Variants in DCUN1D3 observed in about 807,000 individuals in gnomAD.
The protein encoded by DCUN1D3 is defective in cullin neddylation 1 domain containing 3, also known as DCN1-like protein 3.
Under a neutral mutation model 24.8 loss-of-function variants are expected in DCUN1D3, and 6 were observed. The ratio of observed to expected loss-of-function variants is 0.24; its 90% CI spans 0.13 to 0.48. DCUN1D3 has a LOEUF of 0.48. DCUN1D3 is among the 20% of genes least tolerant of loss of function. DCUN1D3 has a pLI of 0.99. For synonymous variants in DCUN1D3, 120 were observed against 144.9 expected, an observed-to-expected ratio of 0.83 and a Z score of 1.24; for missense variants, 258 against 379.4, an observed-to-expected ratio of 0.68 and a Z score of 2.66.
intron 1 of DCUN1D3, among the ~76,000 whole-genome samples, chr16:20,884,781 T>C (rs532808131): frequency 6.6e-5 from 10 of 152,180 alleles, no homozygotes; most frequent in African/African-American, 1.9e-4. Flanking sequence ...CCCACCTCAG[T>C]TGGGGAACAT....
At chr16:20,867,527 C>T (rs931867399) in intron 1 of DCUN1D3, among the ~76,000 whole-genome samples, 5 of 152,218 alleles carry the variant, frequency 3.3e-5, no homozygotes, top group African/African-American at 7.2e-5. Context: ...CGCCCAACTG[C>T]GCCACTGGCT....
intron 1 of DCUN1D3, among the ~76,000 whole-genome samples, chr16:20,873,530 A>C (rs1162616688): frequency 6.6e-6 from 1 of 152,218 alleles, no homozygotes; most frequent in Non-Finnish European, 1.5e-5. Flanking sequence ...ATGGGCTGTC[A>C]AGCTGCAGAC....
chr16:20,884,701 C>T (rs2081860427), intron 1 of DCUN1D3, among the ~76,000 whole-genome samples: 1 of 152,132 alleles, frequency 6.6e-6, no homozygotes, highest in East Asian at 1.9e-4. Flanking sequence ...GGTCACGACA[C>T]CTCTCTGAGA....
intron 1 of DCUN1D3, among the ~76,000 whole-genome samples, chr16:20,888,655 A>G (rs2081877855): frequency 1.3e-5 from 2 of 151,976 alleles, no homozygotes; most frequent in Admixed American, 1.3e-4. Context: ...GGGTTTCACC[A>G]TGTTGCCCAG....
At chr16:20,882,274 T>TA (rs769415468) in intron 1 of DCUN1D3, among the ~76,000 whole-genome samples, 5 of 148,044 alleles carry the variant, frequency 3.4e-5, no homozygotes, top group South Asian at 2.2e-4. Context: ...TTTTTTGAGA[T>TA]AGAGTTTCGC....
At chr16:20,868,330 T>C (rs1230341648) in intron 1 of DCUN1D3, among the ~76,000 whole-genome samples, 2 of 152,206 alleles carry the variant, frequency 1.3e-5, no homozygotes, top group African/African-American at 4.8e-5. Context: ...ACCCCCATTT[T>C]ACAGGAAACT....
rs2081708956 is a variant in DCUN1D3 at position 20,857,704 on chromosome 16, A to T, written c.*2182T>A. 6.6e-6 allele frequency: 1 copy of T among 152,370 alleles called. No individual in the cohort carries two copies. Among genetic ancestry groups the T allele is most frequent in the African/African-American group, 2.4e-5 (1 of 41,578 alleles). The allele number at this position is 152,370 out of a possible 1,614,324, so 9.4% of individuals were successfully genotyped here. A position where few individuals can be genotyped will look rare whatever the true frequency, so the allele number is the denominator to read the frequency against. On this transcript the variant is annotated 3_prime_UTR_variant, in exon 3 of 3. Coordinates refer to ENST00000324344, the MANE Select transcript of DCUN1D3 (RefSeq NM_173475.4). ...ACTTATTCAAGAGTCTTATTTAGCT[A>T]GAACAGAAGCCAGGCATCTGGCCCA...
chr16:20,884,105 G>C (rs780847737), intron 1 of DCUN1D3, among the ~76,000 whole-genome samples: 1 of 152,132 alleles, frequency 6.6e-6, no homozygotes, highest in Non-Finnish European at 1.5e-5. Context: ...CCACTATGTT[G>C]TACATCTTTC....
intron 1 of DCUN1D3, among the ~76,000 whole-genome samples, chr16:20,880,309 G>A (rs557258848): frequency 8.3e-4 from 126 of 152,224 alleles, no homozygotes; most frequent in Non-Finnish European, 1.5e-3. Context: ...ACACAAAAAG[G>A]GTCAACTTGG....
chr16:20,898,460 T>A (rs1237353875), intron 1 of DCUN1D3, among the ~76,000 whole-genome samples: 1 of 152,222 alleles, frequency 6.6e-6, no homozygotes, highest in African/African-American at 2.4e-5. Flanking sequence ...TGGCTAGCAC[T>A]TAGGAGTCAA....
intron 1 of DCUN1D3, among the ~76,000 whole-genome samples, chr16:20,890,811 C>CTAA (rs1457359898): frequency 6.6e-6 from 1 of 151,936 alleles, no homozygotes; most frequent in Non-Finnish European, 1.5e-5. Flanking sequence ...CCTGCTTGAT[C>CTAA]TAATCATTAA....
At chr16:20,864,840 G>A (rs2081753248) in intron 1 of DCUN1D3, among the ~76,000 whole-genome samples, 1 of 152,206 alleles carries the variant, frequency 6.6e-6, no homozygotes, top group South Asian at 2.1e-4. Context: ...GTCTTTTGTG[G>A]GAACACACAT....
Position 20,859,673 on chromosome 16 carries a change from A to AT in DCUN1D3, c.*212dup. 1 of 536,112 alleles carries AT rather than the reference A, an allele frequency of 1.9e-6. No individual in the cohort carries two copies. Among genetic ancestry groups the AT allele is most frequent in the Non-Finnish European group, 3.1e-6 (1 of 324,298 alleles). The allele number at this position is 536,112 out of a possible 1,614,324, so 33.2% of individuals were successfully genotyped here. Reference sequence around the variant, plus strand: ...TAACCAGGTTCAAATATTCTGGGAGATCCCCCCAAAAAGGAAATAACCAAA... The same window carrying AT: ...TAACCAGGTTCAAATATTCTGGGAGATTCCCCCCAAAAAGGAAATAACCAAA... On this transcript the variant is annotated 3_prime_UTR_variant, in exon 3 of 3. Transcript: ENST00000324344.
At chr16:20,897,275 C>T (rs1304986978) in intron 1 of DCUN1D3, among the ~76,000 whole-genome samples, 1 of 152,178 alleles carries the variant, frequency 6.6e-6, no homozygotes, top group Non-Finnish European at 1.5e-5. Flanking sequence ...TTGATTGGGC[C>T]TCTCAAGTGG....
At chr16:20,867,539 ATTGT>A (rs1455390494) in intron 1 of DCUN1D3, among the ~76,000 whole-genome samples, 1 of 152,248 alleles carries the variant, frequency 6.6e-6, no homozygotes, top group Non-Finnish European at 1.5e-5. Flanking sequence ...CCACTGGCTA[ATTGT>A]TTGACCCTAA....
At chr16:20,885,524 T>C (rs1001284870) in intron 1 of DCUN1D3, among the ~76,000 whole-genome samples, 1 of 151,916 alleles carries the variant, frequency 6.6e-6, no homozygotes, top group African/African-American at 2.4e-5. Context: ...AGAAAATGTT[T>C]AGGGACTACA....
chr16:20,895,149 G>T (rs2081909697), intron 1 of DCUN1D3, among the ~76,000 whole-genome samples: 1 of 152,196 alleles, frequency 6.6e-6, no homozygotes, highest in African/African-American at 2.4e-5. Context: ...AGGCTGGAGT[G>T]CAGCAGCTCC....
chr16:20,869,714 G>C (rs187860234), intron 1 of DCUN1D3, among the ~76,000 whole-genome samples: 1 of 152,166 alleles, frequency 6.6e-6, no homozygotes, highest in East Asian at 1.9e-4. Context: ...TTATTGGCAT[G>C]AATTATCACA....
In DCUN1D3 at chr16:20,856,422, A is replaced by G. The variant is rs1038947523; in HGVS notation, c.*3464T>C. ...GACCAGTACTGCTTCAAAGACTAATACTGTGTGGCTTAATCCTTTCTCCCT... is the reference window on the plus strand; with the variant it reads ...GACCAGTACTGCTTCAAAGACTAATGCTGTGTGGCTTAATCCTTTCTCCCT... On this transcript the variant is annotated 3_prime_UTR_variant, in exon 3 of 3. Transcript: ENST00000324344. The G allele has an allele frequency of 4.6e-5, 7 of 152,212 alleles. No individual in the cohort carries two copies. Among genetic ancestry groups the G allele is most frequent in the African/African-American group, 1.7e-4 (7 of 41,458 alleles). The allele number at this position is 152,212 out of a possible 1,614,324, so 9.4% of individuals were successfully genotyped here. A position where few individuals can be genotyped will look rare whatever the true frequency, so the allele number is the denominator to read the frequency against.
Sources: gnomAD v4.1 joint callset for allele counts (sites outside exome capture counted in the v4.1 genomes callset) on GRCh38, gnomAD v4.1.1 for gene constraint, MANE v1.5 for transcripts, NCBI Gene and HGNC (gene_info 2026-07-23, HGNC 2026-07-21) for gene names.